The following MSRA variants were observed in gnomAD, a reference collection of about 807,000 sequenced individuals.
MSRA encodes mitochondrial peptide methionine sulfoxide reductase.
In MSRA, 54 loss-of-function variants were observed where a neutral mutation model predicts 31.3. That is an observed-to-expected ratio of 1.73 (90% confidence interval 1.39 to 2.17). The LOEUF (loss-of-function observed/expected upper bound fraction) is 2.17, where lower values mean the gene tolerates loss of function less well. Ranked by LOEUF, MSRA falls within the 30% of genes most tolerant of loss-of-function variation. The probability of loss-of-function intolerance (pLI) is 0.00; values close to 1 mark genes in which losing one functional copy is unlikely to be tolerated. For missense variants in MSRA, 507 were observed against 300.9 expected (o/e 1.69, Z -5.07); for synonymous variants, 169 against 116.5 (o/e 1.45, Z -2.90).
At chr8:10,322,867 G>A (rs551874483) in intron 5 of MSRA, among the ~76,000 whole-genome samples, 6 of 152,080 alleles carry the variant, frequency 3.9e-5, no homozygotes, top group South Asian at 2.1e-4. Context: ...TGAAGTGGGC[G>A]GATCATGAGG....
chr8:10,209,766 T>G (rs757158953), intron 2 of MSRA, among the ~76,000 whole-genome samples: 5 of 152,226 alleles, frequency 3.3e-5, no homozygotes, highest in Non-Finnish European at 7.3e-5. Context: ...CTGAAAGCTC[T>G]TGGAGCAGGG....
At position 10,225,522 on chromosome 8, in the gene MSRA, T is replaced by C. The variant is rs1197440072; in HGVS notation, c.211+17621T>C. ...CGATAGAAGTGGGAAAAATTCTTTT[T>C]ATTCATAAATTTAATTTGCCCAGAG... On this transcript the variant is annotated intron_variant, in intron 2 of 5. Transcript: ENST00000317173. 3.3e-5 allele frequency among the ~76,000 whole-genome samples: 5 copies of C among 152,332 alleles called. No homozygotes were observed. In the East Asian group the frequency reaches 9.6e-4, roughly 29 times the overall value.
chr8:10,349,015 G>A (rs1477693521), intron 5 of MSRA, among the ~76,000 whole-genome samples: 1 of 152,154 alleles, frequency 6.6e-6, no homozygotes, highest in Non-Finnish European at 1.5e-5. Flanking sequence ...CCAGCCCCGT[G>A]TAGAACACCA....
At chr8:10,185,108 C>T (rs896882177) in intron 1 of MSRA, among the ~76,000 whole-genome samples, 7 of 152,200 alleles carry the variant, frequency 4.6e-5, no homozygotes, top group African/African-American at 1.4e-4. Flanking sequence ...TGAAGGGCTG[C>T]TGCTCCTTTT....
intron 1 of MSRA, among the ~76,000 whole-genome samples, chr8:10,137,371 T>C (rs1417755686): frequency 6.6e-6 from 1 of 152,254 alleles, no homozygotes; most frequent in African/African-American, 2.4e-5. Context: ...TGAAAGGTTC[T>C]TTCCACTTTC....
At chr8:10,274,913 A>C (rs1329115302) in intron 3 of MSRA, among the ~76,000 whole-genome samples, 1 of 152,178 alleles carries the variant, frequency 6.6e-6, no homozygotes, top group African/African-American at 2.4e-5. Flanking sequence ...CCATTCGTCT[A>C]TCTTCTTTTG....
At chr8:10,092,919 G>T (rs1054255680) in intron 1 of MSRA, among the ~76,000 whole-genome samples, 2 of 152,104 alleles carry the variant, frequency 1.3e-5, no homozygotes, top group Non-Finnish European at 2.9e-5. Flanking sequence ...AATTAACCCT[G>T]TTAGCATTAT....
Position 10,384,667 on chromosome 8 carries a change from C to G in MSRA, c.544-43481C>G, listed in dbSNP as rs534285545. 3.9e-5 allele frequency among the ~76,000 whole-genome samples: 6 copies of G among 152,272 alleles called. No homozygotes were observed. The East Asian group carries it at 1.2e-3, about 29-fold the overall frequency. Reference sequence around the variant, plus strand: ...GCAGCCAGGGCTGAGAACTGTTGCACTAGCGGAAGGACTCAGATTGGAGTC... The same window carrying G: ...GCAGCCAGGGCTGAGAACTGTTGCAGTAGCGGAAGGACTCAGATTGGAGTC... On this transcript the variant is annotated intron_variant, in intron 5 of 5. Transcript: ENST00000317173.
intron 3 of MSRA, among the ~76,000 whole-genome samples, chr8:10,275,967 A>G (rs2975654): frequency 0.75 from 114,353 of 152,138 alleles, 43,053 homozygotes; most frequent in Admixed American, 0.82. Context: ...TCGCACTGCT[A>G]AAAACCTGTC....
intron 5 of MSRA, among the ~76,000 whole-genome samples, chr8:10,345,757 A>G (rs955764228): frequency 2.0e-5 from 3 of 152,226 alleles, no homozygotes; most frequent in Non-Finnish European, 2.9e-5. Context: ...CTCACTCTAA[A>G]AAGGCCTGGC....
intron 1 of MSRA, among the ~76,000 whole-genome samples, chr8:10,206,689 C>T (rs183784247): frequency 3.3e-5 from 5 of 152,376 alleles, no homozygotes; most frequent in South Asian, 4.1e-4. Flanking sequence ...ACTTCTCCTT[C>T]GGACTCCAGG....
chr8:10,352,657 T>C (rs901095972), intron 5 of MSRA, among the ~76,000 whole-genome samples: 9 of 152,142 alleles, frequency 5.9e-5, no homozygotes, highest in Admixed American at 4.6e-4. Flanking sequence ...ATATTTTTAG[T>C]TGTAGAGTAC....
intron 3 of MSRA, among the ~76,000 whole-genome samples, chr8:10,264,420 T>C (rs1798638429): frequency 6.6e-6 from 1 of 152,266 alleles, no homozygotes; most frequent in South Asian, 2.1e-4. Flanking sequence ...TCTAGGTCTT[T>C]TCAGAAGTTT....
intron 1 of MSRA, among the ~76,000 whole-genome samples, chr8:10,150,129 A>G (rs1416229295): frequency 1.3e-5 from 2 of 151,982 alleles, no homozygotes; most frequent in Admixed American, 6.6e-5. Flanking sequence ...CTGAAAATGC[A>G]GAGAAGTTCT....
chr8:10,349,643 T>C (rs980999941), intron 5 of MSRA, among the ~76,000 whole-genome samples: 20 of 152,262 alleles, frequency 1.3e-4, no homozygotes, highest in African/African-American at 4.8e-4. Flanking sequence ...CTGAGTTGCT[T>C]TTGTGGCCTT....
intron 1 of MSRA, among the ~76,000 whole-genome samples, chr8:10,078,965 C>G (rs890961621): frequency 6.6e-6 from 1 of 152,172 alleles, no homozygotes; most frequent in African/African-American, 2.4e-5. Context: ...GTGAGCCACA[C>G]TTAGAAGCCG....
chr8:10,379,570 G>C (rs553190530), intron 5 of MSRA, among the ~76,000 whole-genome samples: 1 of 151,872 alleles, frequency 6.6e-6, no homozygotes, highest in Non-Finnish European at 1.5e-5. Flanking sequence ...TGCCCCCTCC[G>C]CCTTCCCCCC....
intron 5 of MSRA, among the ~76,000 whole-genome samples, chr8:10,424,968 A>G (rs1254113156): frequency 6.6e-6 from 1 of 152,244 alleles, no homozygotes; most frequent in East Asian, 1.9e-4. Flanking sequence ...GAATCTGAAC[A>G]GTGGCGGAGG....
chr8:10,222,021 A>T (rs570635553), intron 2 of MSRA, among the ~76,000 whole-genome samples: 1 of 152,014 alleles, frequency 6.6e-6, no homozygotes, highest in East Asian at 1.9e-4. Flanking sequence ...TGGGGACTTT[A>T]ACATTTATTT....
Sources: gnomAD v4.1 joint callset for allele counts (sites outside exome capture counted in the v4.1 genomes callset) on GRCh38, gnomAD v4.1.1 for gene constraint, MANE v1.5 for transcripts, NCBI Gene and HGNC (gene_info 2026-07-23, HGNC 2026-07-21) for gene names.